Variants in NTM observed in about 807,000 individuals in gnomAD.
The protein encoded by NTM is neurotrimin.
A neutral mutation model predicts 42.1 loss-of-function variants in NTM; 13 were observed. The observed-to-expected ratio is 0.31, with a 90% CI of 0.20 to 0.49. The LOEUF is 0.49. Ranked by LOEUF, NTM falls within the 20% of genes least tolerant of loss-of-function variation. The probability of loss-of-function intolerance (pLI) is 0.99; values close to 1 mark genes in which losing one functional copy is unlikely to be tolerated. For missense variants in NTM, 373 were observed against 452.8 expected, an observed-to-expected ratio of 0.82 and a Z score of 1.60; for synonymous variants, 187 against 179.2, an observed-to-expected ratio of 1.04 and a Z score of -0.35.
At position 132,003,247 on chromosome 11, in the gene NTM, G is replaced by GTTTTTT. The variant is rs57360845; in HGVS notation, c.167+91603_167+91608dup. ...GGATTCCTCCACCCACACCCTTAGA[G>GTTTTTT]TTTTTTTTTCTTTTTTTTTTTTGAC... On this transcript the variant is annotated intron_variant, in intron 2 of 8. Coordinates refer to ENST00000683400, the MANE Select transcript of NTM (RefSeq NM_001352005.2). The surrounding 1 kb of genome is among the most constrained non-coding windows in gnomAD (Gnocchi z 6.0). Among the ~76,000 whole-genome samples the GTTTTTT allele has an allele frequency of 6.9e-6, 1 of 145,330 alleles. No homozygotes were observed.
chr11:132,195,255 A>G (rs752703988), intron 3 of NTM, among the ~76,000 whole-genome samples: 1 of 152,164 alleles, frequency 6.6e-6, no homozygotes, highest in African/African-American at 2.4e-5. Flanking sequence ...TAAAAAATCT[A>G]TACAATGAGA....
intron 1 of NTM, among the ~76,000 whole-genome samples, chr11:131,799,852 G>A (rs1340734226): frequency 6.6e-6 from 1 of 152,178 alleles, no homozygotes; most frequent in East Asian, 1.9e-4. Flanking sequence ...GTGATGGAAG[G>A]CATCTGGGTT....
chr11:132,241,730 A>C (rs1416158830), intron 4 of NTM, among the ~76,000 whole-genome samples: 1 of 152,208 alleles, frequency 6.6e-6, no homozygotes, highest in Non-Finnish European at 1.5e-5. Context: ...TCTTTCTTAA[A>C]AGCTATCGTG....
At chr11:132,152,420 C>A (rs1399438330) in intron 3 of NTM, among the ~76,000 whole-genome samples, 2 of 152,212 alleles carry the variant, frequency 1.3e-5, no homozygotes, top group African/African-American at 4.8e-5. Flanking sequence ...TACTGATCAT[C>A]CCAAACTGCT....
At chr11:132,244,466 C>T (rs1259168893) in intron 4 of NTM, among the ~76,000 whole-genome samples, 1 of 152,164 alleles carries the variant, frequency 6.6e-6, no homozygotes, top group Non-Finnish European at 1.5e-5. Context: ...ATTGGGTCTA[C>T]CAATCTTCAT....
chr11:131,446,093 A>G (rs1950035050), intron 1 of NTM, among the ~76,000 whole-genome samples: 1 of 152,198 alleles, frequency 6.6e-6, no homozygotes, highest in African/African-American at 2.4e-5. Context: ...AACTTAAGAC[A>G]TCACACGTCT....
intron 2 of NTM, among the ~76,000 whole-genome samples, chr11:131,995,120 A>G (rs111860844): frequency 2.0e-5 from 3 of 152,178 alleles, no homozygotes; most frequent in East Asian, 1.9e-4. Flanking sequence ...TCACCTTTCT[A>G]TCTCCTTTAA....
intron 1 of NTM, among the ~76,000 whole-genome samples, chr11:131,768,524 G>A (rs994499513): frequency 6.6e-6 from 1 of 152,200 alleles, no homozygotes; most frequent in African/African-American, 2.4e-5. Context: ...AGGGTGAAAT[G>A]CTATCTATAG....
intron 2 of NTM, among the ~76,000 whole-genome samples, chr11:132,144,183 A>G (rs1249556912): frequency 1.3e-5 from 2 of 152,182 alleles, no homozygotes; most frequent in African/African-American, 4.8e-5. Context: ...CCTAATGTGC[A>G]CAAAACTCAT....
intron 1 of NTM, chr11:131,663,479 C>G (rs886411701): frequency 6.6e-6 from 1 of 152,522 alleles, no homozygotes; most frequent in East Asian, 1.9e-4. Context: ...GGTCCTGAGG[C>G]CTTCCTTGAC....
At chr11:131,429,227 C>G (rs901622445) in intron 1 of NTM, among the ~76,000 whole-genome samples, 1 of 152,162 alleles carries the variant, frequency 6.6e-6, no homozygotes, top group Admixed American at 6.5e-5. Context: ...TTCCCTAAGC[C>G]TCTCAGGAGA....
At chr11:131,401,824 A>ATATATG (rs1555101768) in intron 1 of NTM, among the ~76,000 whole-genome samples, 1 of 64,120 alleles carries the variant, frequency 1.6e-5, no homozygotes, top group Non-Finnish European at 3.3e-5. Flanking sequence ...ATATATATAT[A>ATATATG]TATATATATA....
chr11:131,615,760 G>A (rs2061868177), intron 1 of NTM, among the ~76,000 whole-genome samples: 1 of 152,182 alleles, frequency 6.6e-6, no homozygotes, highest in African/African-American at 2.4e-5. Flanking sequence ...AGACAGCAGG[G>A]ATTTTTGTAC....
rs573749024 is a variant in NTM at position 131,691,304 on chromosome 11, G to T, written c.83-220260G>T. Among the ~76,000 whole-genome samples the T allele has an allele frequency of 2.2e-4, 34 of 152,338 alleles. No individual in the cohort carries two copies. The South Asian group carries it at 7.0e-3, about 32-fold the overall frequency. On this transcript the variant is annotated intron_variant, in intron 1 of 8. Coordinates refer to ENST00000683400, the MANE Select transcript of NTM (RefSeq NM_001352005.2). ...AGCGCCCCTCTGTTGGCGGCCGGGG[G>T]CCGCGGGGAGTTCGCCCCTGTGGGT...
intron 1 of NTM, among the ~76,000 whole-genome samples, chr11:131,472,106 C>A (rs756800391): frequency 4.6e-5 from 7 of 152,166 alleles, no homozygotes; most frequent in Non-Finnish European, 8.8e-5. Flanking sequence ...AATAAGCTGG[C>A]CCCCTCAGAG....
chr11:131,509,821 CTG>C (rs1357321236), intron 1 of NTM, among the ~76,000 whole-genome samples: 1 of 152,140 alleles, frequency 6.6e-6, no homozygotes, highest in Non-Finnish European at 1.5e-5. Flanking sequence ...AACTAGAAAA[CTG>C]TTTAACTGAA....
intron 1 of NTM, among the ~76,000 whole-genome samples, chr11:131,484,093 T>C (rs1309372855): frequency 2.6e-5 from 4 of 152,180 alleles, no homozygotes; most frequent in African/African-American, 7.2e-5. Context: ...AGGGGGCACA[T>C]TGTCTGGAGG....
intron 4 of NTM, among the ~76,000 whole-genome samples, chr11:132,280,524 C>A (rs903441564): frequency 1.0e-4 from 15 of 143,454 alleles, no homozygotes; most frequent in Non-Finnish European, 2.1e-4. Flanking sequence ...CACGCCCTGG[C>A]ACCCAGGCTG....
intron 2 of NTM, among the ~76,000 whole-genome samples, chr11:132,133,302 A>G (rs191042415): frequency 6.6e-6 from 1 of 152,204 alleles, no homozygotes; most frequent in Non-Finnish European, 1.5e-5. Context: ...CTATCATAAG[A>G]AACAGCACAC....
Sources: gnomAD v4.1 joint callset for allele counts (sites outside exome capture counted in the v4.1 genomes callset) on GRCh38, gnomAD v4.1.1 for gene constraint, Gnocchi (gnomAD v3.1) non-coding constraint, MANE v1.5 for transcripts, NCBI Gene and HGNC (gene_info 2026-07-23, HGNC 2026-07-21) for gene names.